Variants in TF observed in about 807,000 individuals in gnomAD.
TF encodes transferrin.
TF carries 55 observed loss-of-function variants against 82.4 expected under a neutral mutation model. The observed-to-expected ratio is 0.67, with a 90% CI of 0.54 to 0.84. The LOEUF (loss-of-function observed/expected upper bound fraction) is 0.84. Among genes scored for constraint, TF ranks in the 40% least tolerant of loss-of-function variants. The pLI, the probability that TF is intolerant of heterozygous loss-of-function variation, is 0.00. For synonymous variants in TF, 332 were observed against 332.6 expected, an observed-to-expected ratio of 1.00 and a Z score of 0.02; for missense variants, 737 against 868.4, an observed-to-expected ratio of 0.85 and a Z score of 1.90.
chr3:133,736,060 G>A, the TF span, among the ~76,000 whole-genome samples: 20 of 152,196 alleles, frequency 1.3e-4, no homozygotes, highest in Non-Finnish European at 2.4e-4. Context: ...AGAGAGAAAG[G>A]TTGGGTTACC....
At chr3:133,683,151 G>T in the TF span, among the ~76,000 whole-genome samples, 4 of 152,150 alleles carry the variant, frequency 2.6e-5, no homozygotes, top group Admixed American at 2.6e-4. Flanking sequence ...ACAAGCAAAT[G>T]CTGAGAGCTT....
chr3:133,764,721 G>T (rs1275631909), intron 10 of TF, among the ~76,000 whole-genome samples, 154 bp from the exon 11 acceptor site: 1 of 152,228 alleles, frequency 6.6e-6, no homozygotes, highest in Non-Finnish European at 1.5e-5. Flanking sequence ...GGACTTGCAT[G>T]ATCCAGAGAG....
intron 13 of TF, 50 bp downstream of exon 13, chr3:133,768,214 A>G: frequency 6.2e-7 from 1 of 1,610,650 alleles, no homozygotes. Context: ...AGCCCTGGCC[A>G]GATTTCTTTT....
intron 11 of TF, among the ~76,000 whole-genome samples, chr3:133,765,786 T>C (rs1934112446): frequency 6.6e-6 from 1 of 152,266 alleles, no homozygotes. Flanking sequence ...AAATGGAAGC[T>C]GACTTGATAT....
At chr3:133,726,474 G>A in the TF span, among the ~76,000 whole-genome samples, 84 of 152,262 alleles carry the variant, frequency 5.5e-4, no homozygotes, top group Admixed American at 2.3e-3. Context: ...TCTGATGGTA[G>A]TTTGTATTTC....
chr3:133,759,115 G>A (rs1197690293), intron 8 of TF, 60 bp from the exon 9 acceptor site: 1 of 1,609,134 alleles, frequency 6.2e-7, no homozygotes, highest in East Asian at 2.2e-5. Flanking sequence ...GAGTAGTGCT[G>A]ACAAACACCA....
chr3:133,733,319 TCA>T, the TF span, among the ~76,000 whole-genome samples: 14 of 152,176 alleles, frequency 9.2e-5, no homozygotes, highest in African/African-American at 3.4e-4. Flanking sequence ...GCTGCCTATT[TCA>T]CAGTTTGGGG....
chr3:133,688,815 G>T, the TF span, among the ~76,000 whole-genome samples: 2 of 152,046 alleles, frequency 1.3e-5, no homozygotes, highest in African/African-American at 4.8e-5. Flanking sequence ...GGAATGCCTA[G>T]AAAATACAGT....
At chr3:133,767,487 T>C (rs757013881) in intron 12 of TF, among the ~76,000 whole-genome samples, 4 of 152,216 alleles carry the variant, frequency 2.6e-5, no homozygotes, top group Non-Finnish European at 4.4e-5. Flanking sequence ...TGAAGCAAAG[T>C]GTGGCCAAGG....
the TF span, among the ~76,000 whole-genome samples, chr3:133,738,670 C>T: frequency 0.59 from 89,250 of 151,916 alleles, 26,738 homozygotes; most frequent in East Asian, 0.76. Flanking sequence ...ACACCAATAA[C>T]AGACAAACAG....
the TF span, among the ~76,000 whole-genome samples, chr3:133,714,070 G>A: frequency 6.6e-6 from 1 of 152,194 alleles, no homozygotes; most frequent in African/African-American, 2.4e-5. Context: ...AGGCAGAGGG[G>A]TCATGTGGGA....
At chr3:133,690,580 C>A in the TF span, among the ~76,000 whole-genome samples, 1 of 152,102 alleles carries the variant, frequency 6.6e-6, no homozygotes, top group Non-Finnish European at 1.5e-5. Context: ...CATAAATTTT[C>A]ATCTATTTTT....
At chr3:133,693,723 A>G in the TF span, among the ~76,000 whole-genome samples, 1 of 152,176 alleles carries the variant, frequency 6.6e-6, no homozygotes, top group Non-Finnish European at 1.5e-5. Context: ...ATGAACTACC[A>G]CAGCCTCTGG....
At position 133,793,821 on chromosome 3, in the gene TF, CTT is replaced by C. The variant is rs1400723788; in HGVS notation, c.*15202_*15203del. 2.0e-5 allele frequency: 3 copies of C among 152,100 alleles called. No homozygotes were observed. Among genetic ancestry groups the C allele is most frequent in the African/African-American group, 7.2e-5 (3 of 41,418 alleles). The allele number at this position is 152,100 out of a possible 1,614,324, so 9.4% of individuals were successfully genotyped here. A position where few individuals can be genotyped will look rare whatever the true frequency, so the allele number is the denominator to read the frequency against. ...ATTGGAAAGGACCCTAAAAAGCACTCTTGAATACAGGTTTCTAATAAGTTTAG... is the reference window on the plus strand; with the variant it reads ...ATTGGAAAGGACCCTAAAAAGCACTCGAATACAGGTTTCTAATAAGTTTAG... On this transcript the variant is annotated 3_prime_UTR_variant, in exon 17 of 17. Transcript: ENST00000402696.
the TF span, among the ~76,000 whole-genome samples, chr3:133,723,641 T>TTATTATTAC: frequency 2.4e-5 from 3 of 125,932 alleles, no homozygotes; most frequent in Admixed American, 8.0e-5. Flanking sequence ...GGTTCTTTTA[T>TTATTATTAC]TATTATTATT....
the TF span, among the ~76,000 whole-genome samples, chr3:133,703,077 A>G: frequency 5.4e-4 from 83 of 152,332 alleles, no homozygotes; most frequent in Middle Eastern, 3.4e-3. Flanking sequence ...GCCTCCATTT[A>G]ACCAGTTTCT....
the TF span, among the ~76,000 whole-genome samples, chr3:133,707,292 A>G: frequency 6.6e-6 from 1 of 152,252 alleles, no homozygotes; most frequent in East Asian, 1.9e-4. Context: ...GGAAGGCACT[A>G]TGACAGCATT....
upstream of TF, chr3:133,746,068 A>G (rs1933488409): frequency 2.4e-6 from 1 of 410,596 alleles, no homozygotes. Context: ...GGTGGCACGG[A>G]CCAGCTCTGC....
chr3:133,708,259 A>G, the TF span, among the ~76,000 whole-genome samples: 1 of 152,196 alleles, frequency 6.6e-6, no homozygotes, highest in Non-Finnish European at 1.5e-5. Flanking sequence ...CTACTGAATC[A>G]AAGAAGTGTC....
Sources: allele counts gnomAD v4.1 joint callset (sites outside exome capture counted in the v4.1 genomes callset), GRCh38; gene constraint gnomAD v4.1.1; transcripts MANE v1.5; gene names NCBI Gene and HGNC (gene_info 2026-07-23, HGNC 2026-07-21).